The following PACSIN1 variants were observed in gnomAD, a reference collection of about 807,000 sequenced individuals.
PACSIN1 encodes protein kinase C and casein kinase substrate in neurons 1.
PACSIN1 carries 15 observed loss-of-function variants against 59.5 expected under a neutral mutation model. That is an observed-to-expected ratio of 0.25 (90% confidence interval 0.17 to 0.39). The LOEUF (loss-of-function observed/expected upper bound fraction) is 0.39, where lower values mean the gene tolerates loss of function less well. Ranked by LOEUF, PACSIN1 falls within the 10% of genes least tolerant of loss-of-function variation. The probability of loss-of-function intolerance (pLI) is 1.00; values close to 1 mark genes in which losing one functional copy is unlikely to be tolerated. For missense variants in PACSIN1, 420 were observed against 580.2 expected (o/e 0.72, Z 2.84); for synonymous variants, 210 against 220.6 (o/e 0.95, Z 0.42).
At chr6:34,507,435 C>G (rs970793327) in intron 1 of PACSIN1, among the ~76,000 whole-genome samples, 1 of 152,040 alleles carries the variant, frequency 6.6e-6, no homozygotes, top group South Asian at 2.1e-4. Flanking sequence ...TGTTCAGAAT[C>G]AGAAGTCCAG....
At chr6:34,505,959 C>T (rs1014011202) in intron 1 of PACSIN1, among the ~76,000 whole-genome samples, 1 of 151,950 alleles carries the variant, frequency 6.6e-6, no homozygotes, top group Non-Finnish European at 1.5e-5. Context: ...GCTCACTGGA[C>T]GTTGAGCCCA....
In PACSIN1 at chr6:34,481,875, G is replaced by T. The variant is rs569524007; in HGVS notation, c.-64+15605G>T. Among the ~76,000 whole-genome samples the T allele has an allele frequency of 8.1e-4, 123 of 151,996 alleles. 2 individuals are homozygous for T. In the South Asian group the frequency reaches 0.013, roughly 16 times the overall value. On this transcript the variant is annotated intron_variant, in intron 1 of 9. Transcript: ENST00000244458. ...GGCTTTTAGTATATTTACAAAGTTG[G>T]GTAACCGCTATCTAATTCCAGAATA...
chr6:34,511,689 C>T (rs1219644716), intron 1 of PACSIN1, among the ~76,000 whole-genome samples: 2 of 152,134 alleles, frequency 1.3e-5, no homozygotes, highest in African/African-American at 2.4e-5. Flanking sequence ...AGCTGGCCAG[C>T]CCTGCCTGTT....
At position 34,532,091 on chromosome 6, in the gene PACSIN1, G is replaced by A. The variant is rs997375453; in HGVS notation, c.1225+304G>A. ...TGGCCTGGGTTGTGGGCGTGACCTG[G>A]GCCCAGGATGGGAGTGGGGGCAAGA... On this transcript the variant is annotated intron_variant, in intron 9 of 9. Coordinates refer to ENST00000244458, the MANE Select transcript of PACSIN1 (RefSeq NM_020804.5). This position sits in a 1 kb window ranked among gnomAD's most constrained non-coding sequence, Gnocchi z 5.2. Among the ~76,000 whole-genome samples the A allele has an allele frequency of 1.3e-5, 2 of 152,142 alleles. No individual in the cohort carries two copies. Among genetic ancestry groups the A allele is most frequent in the African/African-American group, 4.8e-5 (2 of 41,418 alleles).
intron 1 of PACSIN1, among the ~76,000 whole-genome samples, chr6:34,493,232 G>T (rs1460185631): frequency 6.6e-6 from 1 of 152,246 alleles, no homozygotes; most frequent in Non-Finnish European, 1.5e-5. Context: ...GCAGCTGGGG[G>T]ATGGAGTGTC....
At chr6:34,527,729 T>G in intron 3 of PACSIN1, 1 of 350,038 alleles carries the variant, frequency 2.9e-6, no homozygotes, top group Non-Finnish European at 5.1e-6. Context: ...TCAAACTTTG[T>G]GAAAGTTGCA....
At chr6:34,469,881 A>T (rs1315332965) in intron 1 of PACSIN1, among the ~76,000 whole-genome samples, 1 of 152,210 alleles carries the variant, frequency 6.6e-6, no homozygotes, top group African/African-American at 2.4e-5. Context: ...CTCTAATGCC[A>T]GGGAAGTTGC....
rs998264571 is a variant in PACSIN1, at chr6:34,527,269, G to A, written c.64-63G>A. ...GACAGTGGGCGTGGCCGTGCTGGATGCGGCGGGCGGGGCTGGGGACGCTGG... is the reference window on the plus strand; with the variant it reads ...GACAGTGGGCGTGGCCGTGCTGGATACGGCGGGCGGGGCTGGGGACGCTGG... On this transcript the variant is annotated intron_variant, in intron 2 of 9. Coordinates refer to ENST00000244458, the MANE Select transcript of PACSIN1 (RefSeq NM_020804.5). 7.7e-6 allele frequency: 11 copies of A among 1,429,614 alleles called. No individual in the cohort carries two copies. In the African/African-American group the frequency reaches 1.2e-4, roughly 15 times the overall value. 88.6% of individuals were successfully genotyped at this position (1,429,614 alleles called of 1,614,324 possible). A position where few individuals can be genotyped will look rare whatever the true frequency, so the allele number is the denominator to read the frequency against.
chr6:34,527,697 AC>A (rs1767515825), intron 3 of PACSIN1: 2 of 391,302 alleles, frequency 5.1e-6, no homozygotes, highest in Non-Finnish European at 8.9e-6. Context: ...AAAAAAAAAA[AC>A]ACTTTTTATC....
chr6:34,530,288 T>C lies in PACSIN1; in HGVS notation c.834T>C (p.Ala278=), dbSNP rs1262769197. The C allele has an allele frequency of 3.1e-6, 5 of 1,614,054 alleles. No homozygotes were observed. The highest frequency in any genetic ancestry group is 1.6e-4 in the Middle Eastern group (1 of 6,062). Reference sequence around the variant, plus strand: ...AGCTGGAGCAGGCCATCCGGGGGGCTGATGCCCAGGAAGACCTCAGATGGT... The same window carrying C: ...AGCTGGAGCAGGCCATCCGGGGGGCCGATGCCCAGGAAGACCTCAGATGGT... ...YRELEQAIRG[A]DAQEDLRWFR... is the part of the protein sequence containing the mutation. The change falls in exon 7 of 10, where the codon GCT becomes GCC. Residue 278 remains alanine (A), a synonymous_variant. Coordinates refer to ENST00000244458, the MANE Select transcript of PACSIN1 (RefSeq NM_020804.5). The surrounding 1 kb of genome is among the most constrained non-coding windows in gnomAD (Gnocchi z 4.4).
At chr6:34,481,782 A>G (rs1365966663) in intron 1 of PACSIN1, among the ~76,000 whole-genome samples, 1 of 152,208 alleles carries the variant, frequency 6.6e-6, no homozygotes, top group Admixed American at 6.5e-5. Context: ...CTTTTATATA[A>G]ACACATTTTT....
chr6:34,473,224 C>A (rs531267413), intron 1 of PACSIN1, among the ~76,000 whole-genome samples: 1 of 99,360 alleles, frequency 1.0e-5, no homozygotes, highest in Admixed American at 1.5e-4. Flanking sequence ...AGAGACGGGG[C>A]GGGGGGCGGG....
intron 1 of PACSIN1, among the ~76,000 whole-genome samples, chr6:34,506,956 T>G (rs547420570): frequency 6.6e-6 from 1 of 152,156 alleles, no homozygotes; most frequent in South Asian, 2.1e-4. Context: ...CAGGCAAGGC[T>G]CCCCACCCGG....
At chr6:34,499,999 G>T (rs957004631) in intron 1 of PACSIN1, among the ~76,000 whole-genome samples, 1 of 152,118 alleles carries the variant, frequency 6.6e-6, no homozygotes, top group African/African-American at 2.4e-5. Context: ...GAAAATATTT[G>T]CAAATCCTAT....
At chr6:34,490,394 G>A (rs564634345) in intron 1 of PACSIN1, among the ~76,000 whole-genome samples, 4 of 151,970 alleles carry the variant, frequency 2.6e-5, no homozygotes, top group South Asian at 2.1e-4. Flanking sequence ...GCATCAAGTG[G>A]GCAGTGTCCT....
chr6:34,476,911 C>T (rs1766646254), intron 1 of PACSIN1, among the ~76,000 whole-genome samples: 1 of 152,224 alleles, frequency 6.6e-6, no homozygotes, highest in Non-Finnish European at 1.5e-5. Context: ...GAGGGCACCC[C>T]CCAGGACTGC....
rs536254118 is a variant in PACSIN1 at position 34,513,403 on chromosome 6, G to A, written c.-63-12840G>A. Among the ~76,000 whole-genome samples, 238 of 152,126 alleles carry A rather than the reference G, an allele frequency of 1.6e-3. 1 individual carries two copies. The highest frequency in any genetic ancestry group is 5.2e-3 in the African/African-American group (217 of 41,484). ...TGTGGGGTCCCTGAGAATTACCCTG[G>A]GGCACAGGGGCTGCAGTGACCCTTG... On this transcript the variant is annotated intron_variant, in intron 1 of 9. Transcript: ENST00000244458.
rs1767338275 is a variant in PACSIN1 at position 34,518,856 on chromosome 6, T to G, written c.-63-7387T>G. 6.6e-6 allele frequency among the ~76,000 whole-genome samples: 1 copy of G among 152,208 alleles called. No individual in the cohort carries two copies. Among genetic ancestry groups the G allele is most frequent in the African/African-American group, 2.4e-5 (1 of 41,450 alleles). ...TGCCCATGCTGGAATGTAAGCTCCATGAGGGAAGGGCTGGTCTTACTCCCT... is the reference window on the plus strand; with the variant it reads ...TGCCCATGCTGGAATGTAAGCTCCAGGAGGGAAGGGCTGGTCTTACTCCCT... On this transcript the variant is annotated intron_variant, in intron 1 of 9. Coordinates refer to ENST00000244458, the MANE Select transcript of PACSIN1 (RefSeq NM_020804.5). The surrounding 1 kb of genome is among the most constrained non-coding windows in gnomAD (Gnocchi z 4.4).
chr6:34,526,615 A>G lies in PACSIN1; in HGVS notation c.63+247A>G, dbSNP rs148659281. 4.6e-3 allele frequency among the ~76,000 whole-genome samples: 698 copies of G among 152,340 alleles called. 6 individuals are homozygous for G. The highest frequency in any genetic ancestry group is 5.0e-3 in the Non-Finnish European group (341 of 68,026). On this transcript the variant is annotated intron_variant, in intron 2 of 9. Transcript: ENST00000244458. ...GCCTGTGGCATTTCACAATGTGGGA[A>G]CAGGCCCTTTGTGACTCTGTGGCAC...
Sources: gnomAD v4.1 joint callset for allele counts (sites outside exome capture counted in the v4.1 genomes callset) on GRCh38, gnomAD v4.1.1 for gene constraint, Gnocchi (gnomAD v3.1) non-coding constraint, MANE v1.5 for transcripts, NCBI Gene and HGNC (gene_info 2026-07-23, HGNC 2026-07-21) for gene names.